Variants in PRKG1 observed in about 807,000 individuals in gnomAD.
PRKG1 encodes the protein protein kinase cGMP-dependent 1, also known as cGMP-dependent protein kinase 1.
A neutral mutation model predicts 88.1 loss-of-function variants in PRKG1; 35 were observed. That is an observed-to-expected ratio of 0.40 (90% CI 0.30 to 0.53). The LOEUF is 0.53. Among genes scored for constraint, PRKG1 ranks in the 20% least tolerant of loss-of-function variants. PRKG1 has a pLI of 0.59. For missense variants in PRKG1, 540 were observed against 839.8 expected, an observed-to-expected ratio of 0.64 and a Z score of 4.41; for synonymous variants, 303 against 292.5, an observed-to-expected ratio of 1.04 and a Z score of -0.37.
Position 51,942,495 on chromosome 10 carries a change from G to A in PRKG1, c.762+34925G>A, listed in dbSNP as rs573884549. Reference sequence around the variant, plus strand: ...GTCAATTTTGGCTTTGGTTGCCATTGCTTTTGGTGTTTTAGACTTGAAGTC... The same window carrying A: ...GTCAATTTTGGCTTTGGTTGCCATTACTTTTGGTGTTTTAGACTTGAAGTC... On this transcript the variant is annotated intron_variant, in intron 5 of 17. Coordinates refer to ENST00000373980, the MANE Select transcript of PRKG1 (RefSeq NM_006258.4). 1.7e-3 allele frequency among the ~76,000 whole-genome samples: 252 copies of A among 151,330 alleles called. 3 individuals are homozygous for A. Among genetic ancestry groups the A allele is most frequent in the South Asian group, 8.4e-4 (4 of 4,786 alleles).
intron 6 of PRKG1, among the ~76,000 whole-genome samples, chr10:52,060,698 T>C (rs918217742): frequency 5.9e-5 from 9 of 151,920 alleles, no homozygotes; most frequent in African/African-American, 1.4e-4. Context: ...TTTTCATCCA[T>C]TGATGGTAGG....
chr10:51,470,624 T>C (rs2076693643), intron 3 of PRKG1, among the ~76,000 whole-genome samples: 1 of 151,946 alleles, frequency 6.6e-6, no homozygotes, highest in Admixed American at 6.6e-5. Context: ...TGTTTCCTGT[T>C]TAGGAGAGCA....
intron 2 of PRKG1, among the ~76,000 whole-genome samples, chr10:51,167,226 G>T (rs1846571144): frequency 6.6e-6 from 1 of 152,146 alleles, no homozygotes; most frequent in African/African-American, 2.4e-5. Context: ...TGTGGGTCAG[G>T]GTAGACTTCC....
intron 3 of PRKG1, among the ~76,000 whole-genome samples, chr10:51,759,616 A>G (rs1270879856): frequency 6.6e-6 from 1 of 152,124 alleles, no homozygotes; most frequent in African/African-American, 2.4e-5. Flanking sequence ...AGTTAGGACA[A>G]GGTAAGTTTC....
intron 12 of PRKG1, among the ~76,000 whole-genome samples, chr10:52,273,304 AT>A: frequency 6.6e-6 from 1 of 151,952 alleles, no homozygotes; most frequent in South Asian, 2.1e-4. Flanking sequence ...TCCATGAATG[AT>A]TTATTGATCA....
intron 5 of PRKG1, among the ~76,000 whole-genome samples, chr10:51,985,548 G>T (rs1160468131): frequency 2.0e-5 from 3 of 152,098 alleles, no homozygotes; most frequent in African/African-American, 4.8e-5. Context: ...TCAGCTCTTG[G>T]CACATCAGCT....
intron 3 of PRKG1, among the ~76,000 whole-genome samples, chr10:51,739,789 T>A (rs1837385296): frequency 6.6e-6 from 1 of 151,984 alleles, no homozygotes; most frequent in African/African-American, 2.4e-5. Context: ...CCTGGAAACA[T>A]GGTGAAACCC....
chr10:52,228,628 CAG>C (rs1212567661), intron 9 of PRKG1, among the ~76,000 whole-genome samples: 1 of 152,184 alleles, frequency 6.6e-6, no homozygotes, highest in Non-Finnish European at 1.5e-5. Context: ...GGATATGGCA[CAG>C]TGCCAGGCAC....
chr10:51,328,938 C>T (rs1198453187), intron 2 of PRKG1, among the ~76,000 whole-genome samples: 1 of 152,016 alleles, frequency 6.6e-6, no homozygotes, highest in Non-Finnish European at 1.5e-5. Context: ...AATGGAGTTA[C>T]TTGTACTCTT....
intron 2 of PRKG1, among the ~76,000 whole-genome samples, chr10:51,379,392 T>C (rs1051862807): frequency 3.7e-4 from 57 of 152,230 alleles, no homozygotes; most frequent in African/African-American, 1.2e-3. Flanking sequence ...TTTTCATTAT[T>C]AGTCCCTTTT....
At chr10:51,411,252 C>T (rs1196713928) in intron 2 of PRKG1, among the ~76,000 whole-genome samples, 2 of 152,130 alleles carry the variant, frequency 1.3e-5, no homozygotes, top group East Asian at 1.9e-4. Flanking sequence ...CAGCCTACCT[C>T]GGCCTCCCAA....
chr10:51,702,876 G>T (rs575963378), intron 3 of PRKG1, among the ~76,000 whole-genome samples: 2 of 151,958 alleles, frequency 1.3e-5, no homozygotes, highest in African/African-American at 2.4e-5. Context: ...TGTGCGTTTT[G>T]TAGAGACGGG....
intron 2 of PRKG1, among the ~76,000 whole-genome samples, chr10:51,394,571 G>C (rs1837527579): frequency 1.3e-5 from 2 of 152,202 alleles, no homozygotes; most frequent in Non-Finnish European, 2.9e-5. Context: ...GAGTGACAAA[G>C]AATTTGCAGC....
At chr10:52,010,633 A>G (rs1178274470) in intron 5 of PRKG1, among the ~76,000 whole-genome samples, 2 of 152,180 alleles carry the variant, frequency 1.3e-5, no homozygotes, top group Non-Finnish European at 2.9e-5. Flanking sequence ...ATTATTTAAA[A>G]AAAGAACCTG....
chr10:51,132,677 C>A (rs766975193), intron 1 of PRKG1, among the ~76,000 whole-genome samples: 6 of 147,564 alleles, frequency 4.1e-5, no homozygotes, highest in Non-Finnish European at 8.9e-5. Context: ...CACGTACATA[C>A]CGTATGTATT....
chr10:51,317,675 A>G (rs1283297937), intron 2 of PRKG1, among the ~76,000 whole-genome samples: 1 of 152,168 alleles, frequency 6.6e-6, no homozygotes, highest in Admixed American at 6.5e-5. Context: ...TGGGAAACTC[A>G]TAGAGAAAGT....
chr10:51,047,894 AT>A (rs1298529004), intron 1 of PRKG1, among the ~76,000 whole-genome samples: 7 of 152,208 alleles, frequency 4.6e-5, no homozygotes, highest in African/African-American at 1.7e-4. Context: ...ATAAAATAAC[AT>A]GCTTGGCCTG....
At chr10:52,053,121 C>T (rs1172608690) in intron 5 of PRKG1, among the ~76,000 whole-genome samples, 2 of 151,682 alleles carry the variant, frequency 1.3e-5, no homozygotes, top group Non-Finnish European at 1.5e-5. Flanking sequence ...TGTGTGTGTG[C>T]AGGATGGGTT....
At position 52,258,445 on chromosome 10, in the gene PRKG1, T is replaced by C. The variant is rs930423418; in HGVS notation, c.1173+6779T>C. Among the ~76,000 whole-genome samples the C allele has an allele frequency of 2.0e-5, 3 of 150,020 alleles. No individual in the cohort carries two copies. The Admixed American group carries it at 2.0e-4, about 10-fold the overall frequency. ...ATCTTCAAATTACTTTCATGTTCAT[T>C]GTATAATTTTGCCCTTATAGCTACT... On this transcript the variant is annotated intron_variant, in intron 10 of 17. Coordinates refer to ENST00000373980, the MANE Select transcript of PRKG1 (RefSeq NM_006258.4).
Sources: allele counts gnomAD v4.1 joint callset (sites outside exome capture counted in the v4.1 genomes callset), GRCh38; gene constraint gnomAD v4.1.1; transcripts MANE v1.5; gene names NCBI Gene and HGNC (gene_info 2026-07-23, HGNC 2026-07-21).